Variants in CYP3A7 observed in about 807,000 individuals in gnomAD.
CYP3A7 encodes cytochrome P450 family 3 subfamily A member 7.
CYP3A7 carries 45 observed loss-of-function variants against 55.2 expected under a neutral mutation model. That is an observed-to-expected ratio of 0.82 (90% CI 0.64 to 1.05). The LOEUF is 1.05. CYP3A7 is among the 50% of genes least tolerant of loss of function. The pLI is 0.00. For missense variants in CYP3A7, 548 were observed against 605.3 expected, an observed-to-expected ratio of 0.91 and a Z score of 0.99; for synonymous variants, 180 against 207.4, an observed-to-expected ratio of 0.87 and a Z score of 1.13.
chr7:99,720,331 A>G lies in CYP3A7; in HGVS notation c.300T>C (p.Ser100=), dbSNP rs767410266. 2 of 1,613,342 alleles carry G rather than the reference A, an allele frequency of 1.2e-6. No individual in the cohort carries two copies. Among genetic ancestry groups the G allele is most frequent in the Admixed American group, 3.3e-5 (2 of 60,016 alleles). The change falls in exon 4 of 13, where the codon TCT becomes TCC. Residue 100 remains serine (S), a synonymous_variant. Transcript: ENST00000336374. The part of the protein sequence containing the change: ...IKTVLVKECY[S]VFTNRRPFGP... Reference sequence around the variant, plus strand: ...TGCTTACCCTCCGGTTTGTGAAGACAGAATAACATTCTTTCACTAGCACTG... The same window carrying G: ...TGCTTACCCTCCGGTTTGTGAAGACGGAATAACATTCTTTCACTAGCACTG...
intron 6 of CYP3A7, among the ~76,000 whole-genome samples, chr7:99,716,468 C>T (rs951658847): frequency 2.0e-5 from 3 of 152,080 alleles, no homozygotes; most frequent in African/African-American, 7.2e-5. Flanking sequence ...CTGAGGTTGC[C>T]CTGATGGCAG....
chr7:99,716,594 G>A (rs895267229), intron 6 of CYP3A7, among the ~76,000 whole-genome samples: 1 of 152,142 alleles, frequency 6.6e-6, no homozygotes, highest in African/African-American at 2.4e-5. Flanking sequence ...CCCAGGACAG[G>A]CTCAGATTAC....
chr7:99,708,837 T>C (rs953582217), intron 11 of CYP3A7, among the ~76,000 whole-genome samples, 198 bp downstream of exon 11: 17 of 152,196 alleles, frequency 1.1e-4, no homozygotes, highest in African/African-American at 3.9e-4. Flanking sequence ...TTGCTGGGAC[T>C]GTGACTGGCT....
rs958025469 is a variant in CYP3A7, at chr7:99,723,505, C to T, written c.166-1157G>A. Among the ~76,000 whole-genome samples, 55 of 152,178 alleles carry T rather than the reference C, an allele frequency of 3.6e-4. 1 individual carries two copies. Among genetic ancestry groups the T allele is most frequent in the Admixed American group, 3.5e-3 (54 of 15,272 alleles). ...TTTTCGGACTCAGTCAGCCTGCACCCAGGTGATTAAAAAGCTTTATTGCTC... is the reference window on the plus strand; with the variant it reads ...TTTTCGGACTCAGTCAGCCTGCACCTAGGTGATTAAAAAGCTTTATTGCTC... On this transcript the variant is annotated intron_variant, in intron 2 of 12. Transcript: ENST00000336374.
At chr7:99,731,186 T>A in intron 1 of CYP3A7, 34 bp from the exon 2 acceptor site, 1 of 1,612,692 alleles carries the variant, frequency 6.2e-7, no homozygotes, top group East Asian at 2.2e-5. Context: ...GTCTCAGGGA[T>A]TGTGACTTTA....
intron 1 of CYP3A7, among the ~76,000 whole-genome samples, chr7:99,731,822 C>A (rs928199727): frequency 7.2e-5 from 11 of 152,104 alleles, no homozygotes; most frequent in African/African-American, 2.4e-4. Context: ...GAAGTGCGAG[C>A]ACCTTTTAGC....
At chr7:99,714,150 G>A (rs1256454176) in intron 8 of CYP3A7, among the ~76,000 whole-genome samples, 1 of 152,176 alleles carries the variant, frequency 6.6e-6, no homozygotes, top group African/African-American at 2.4e-5. Flanking sequence ...TGGAGAATGT[G>A]TAAAATAATA....
At chr7:99,729,261 A>C (rs1814533899) in intron 2 of CYP3A7, among the ~76,000 whole-genome samples, 1 of 152,134 alleles carries the variant, frequency 6.6e-6, no homozygotes. Context: ...TCTATACAAC[A>C]AATATTACTT....
At chr7:99,723,278 C>G (rs561962764) in intron 2 of CYP3A7, among the ~76,000 whole-genome samples, 7 of 152,166 alleles carry the variant, frequency 4.6e-5, no homozygotes, top group Non-Finnish European at 1.0e-4. Flanking sequence ...TCCATTATGA[C>G]TTGTTACTGC....
intron 2 of CYP3A7, among the ~76,000 whole-genome samples, chr7:99,723,180 T>C (rs1314160019): frequency 6.6e-6 from 1 of 152,076 alleles, no homozygotes; most frequent in Admixed American, 6.6e-5. Flanking sequence ...CCTGCATGGG[T>C]ACATCCAGAT....
chr7:99,726,454 A>G (rs1463054498), intron 2 of CYP3A7, among the ~76,000 whole-genome samples: 1 of 151,970 alleles, frequency 6.6e-6, no homozygotes, highest in Non-Finnish European at 1.5e-5. Flanking sequence ...GTGGTGCCCA[A>G]CCCGTACACT....
At chr7:99,732,709 C>G (rs954158418) in intron 1 of CYP3A7, among the ~76,000 whole-genome samples, 8 of 152,268 alleles carry the variant, frequency 5.3e-5, no homozygotes, top group Admixed American at 4.6e-4. Flanking sequence ...CATGAATCTG[C>G]TAGTCCCACA....
intron 7 of CYP3A7, 115 bp from the exon 8 acceptor site, chr7:99,714,797 A>G (rs1409892460): frequency 2.0e-5 from 31 of 1,514,944 alleles, no homozygotes; most frequent in Non-Finnish European, 2.7e-5. Context: ...AGTGTTCTCA[A>G]CTGGAAGCCA....
At chr7:99,726,692 C>G (rs184999420) in intron 2 of CYP3A7, among the ~76,000 whole-genome samples, 10 of 152,282 alleles carry the variant, frequency 6.6e-5, no homozygotes, top group African/African-American at 1.9e-4. Flanking sequence ...TACTTTCTTC[C>G]CATCCCTCTG....
At chr7:99,715,567 C>T (rs569162873) in intron 7 of CYP3A7, 191 bp downstream of exon 7, 3 of 987,992 alleles carry the variant, frequency 3.0e-6, no homozygotes, top group Non-Finnish European at 4.4e-6. Flanking sequence ...GATAGCTAAA[C>T]ATGTATGAGG....
chr7:99,732,189 T>G (rs1814652632), intron 1 of CYP3A7, among the ~76,000 whole-genome samples: 1 of 152,160 alleles, frequency 6.6e-6, no homozygotes, highest in Admixed American at 6.5e-5. Context: ...TCTGGTGGTT[T>G]ATAAGTGTGT....
In CYP3A7 at chr7:99,706,954, G is replaced by A. The variant is rs530930090; in HGVS notation, c.1416+858C>T. ...TTCTTAGATAAAGAGAAAATATAGA[G>A]AACAAAACTCAATGATTTAATGGCA... On this transcript the variant is annotated intron_variant, in intron 12 of 12. Coordinates refer to ENST00000336374, the MANE Select transcript of CYP3A7 (RefSeq NM_000765.5). Among the ~76,000 whole-genome samples, 3 of 152,264 alleles carry A rather than the reference G, an allele frequency of 2.0e-5. No homozygotes were observed. In the South Asian group the frequency reaches 6.2e-4, roughly 32 times the overall value.
chr7:99,720,514 C>T, intron 3 of CYP3A7, 102 bp from the exon 4 acceptor site: 1 of 1,275,808 alleles, frequency 7.8e-7, no homozygotes, highest in Non-Finnish European at 1.1e-6. Flanking sequence ...ACATAATCCT[C>T]TAGATGTACA....
chr7:99,734,896 C>T, intron 1 of CYP3A7, 127 bp downstream of exon 1: 16 of 1,423,346 alleles, frequency 1.1e-5, no homozygotes, highest in East Asian at 2.3e-5. Flanking sequence ...TCTGGGATGA[C>T]AGGTGTGAGC....
Sources: allele counts gnomAD v4.1 joint callset (sites outside exome capture counted in the v4.1 genomes callset), GRCh38; gene constraint gnomAD v4.1.1; transcripts MANE v1.5; gene names NCBI Gene and HGNC (gene_info 2026-07-23, HGNC 2026-07-21).